Variants in PNKD observed in about 807,000 individuals in gnomAD.
PNKD encodes PNKD metallo-beta-lactamase domain containing.
A neutral mutation model predicts 45.3 loss-of-function variants in PNKD; 36 were observed. The ratio of observed to expected loss-of-function variants is 0.80; its 90% CI spans 0.61 to 1.05. PNKD has a LOEUF of 1.05. Ranked by LOEUF, PNKD falls within the 50% of genes least tolerant of loss-of-function variation. The pLI is 0.00. For synonymous variants in PNKD, 197 were observed against 210.1 expected, an observed-to-expected ratio of 0.94 and a Z score of 0.54; for missense variants, 511 against 506.6, an observed-to-expected ratio of 1.01 and a Z score of -0.08.
chr2:218,344,634 C>G, intron 9 of PNKD, 64 bp downstream of exon 9: 6 of 1,454,282 alleles, frequency 4.1e-6, no homozygotes, highest in Non-Finnish European at 4.8e-6. Context: ...GGGAACCCAT[C>G]CATGCTGACC....
chr2:218,337,107 C>A (rs935027564), intron 2 of PNKD, among the ~76,000 whole-genome samples: 1 of 149,776 alleles, frequency 6.7e-6, no homozygotes, highest in East Asian at 2.0e-4. Context: ...GCCTTCAATT[C>A]TTTTCTTTTT....
chr2:218,272,993 TG>T, intron 2 of PNKD: 1 of 1,315,046 alleles, frequency 7.6e-7, no homozygotes, highest in Non-Finnish European at 1.0e-6. Context: ...GGGCAGAGGG[TG>T]GGGCTGGTTA....
intron 2 of PNKD, among the ~76,000 whole-genome samples, chr2:218,304,911 T>C (rs2106254713): frequency 6.6e-6 from 1 of 151,742 alleles, no homozygotes; most frequent in South Asian, 2.1e-4. Flanking sequence ...CCCATCTTGG[T>C]GAAACACAAA....
chr2:218,330,007 A>T (rs1694272187), intron 2 of PNKD, among the ~76,000 whole-genome samples: 1 of 74,324 alleles, frequency 1.3e-5, no homozygotes. Context: ...GAAGGGAGAA[A>T]CCAGAACAGT....
rs747779366 is a variant in PNKD, at chr2:218,280,211, C to T, written c.236+8662C>T. On this transcript the variant is annotated intron_variant, in intron 2 of 9. Transcript: ENST00000273077. ...AGCCTCCCTGACAATCTCAAAGTCT[C>T]AGGGATCTCCAGCCAAAAGACAAGT... 2.5e-4 allele frequency: 240 copies of T among 967,772 alleles called. 2 individuals carry two copies. The highest frequency in any genetic ancestry group is 9.9e-4 in the South Asian group (74 of 75,124). The allele number at this position is 967,772 out of a possible 1,614,324, so 59.9% of individuals were successfully genotyped here.
intron 2 of PNKD, among the ~76,000 whole-genome samples, chr2:218,300,546 C>A (rs1574676075): frequency 3.1e-5 from 1 of 32,730 alleles, no homozygotes; most frequent in East Asian, 1.1e-3. Context: ...CTTTTCTTTT[C>A]TTTTCTTTTT....
In PNKD at chr2:218,340,277, T is replaced by C; in HGVS notation, c.465+136T>C. ...TATGCTCCATGTTCACACGTGCACA[T>C]GCGCACACATAGCCTGGGGAAGGGG... On this transcript the variant is annotated intron_variant, in intron 4 of 9. Coordinates refer to ENST00000273077, the MANE Select transcript of PNKD (RefSeq NM_015488.5). This position sits in a 1 kb window ranked among gnomAD's most constrained non-coding sequence, Gnocchi z 4.2. The C allele has an allele frequency of 1.5e-6, 1 of 668,594 alleles. No homozygotes were observed. Among genetic ancestry groups the C allele is most frequent in the Non-Finnish European group, 2.7e-6 (1 of 367,978 alleles). The allele number at this position is 668,594 out of a possible 1,614,324, so 41.4% of individuals were successfully genotyped here. A position where few individuals can be genotyped will look rare whatever the true frequency, so the allele number is the denominator to read the frequency against.
intron 2 of PNKD, chr2:218,275,893 G>A: frequency 1.8e-6 from 2 of 1,120,918 alleles, no homozygotes; most frequent in South Asian, 3.0e-5. Flanking sequence ...TGGAATCTCT[G>A]GACAGTAGTG....
rs373992679 is a variant in PNKD, at chr2:218,342,008, C to A, written c.645C>A (p.Ser215Arg). The change falls in exon 7 of 10, where the codon AGC becomes AGA. Residue 215 changes from serine to arginine, a missense_variant. Coordinates refer to ENST00000273077, the MANE Select transcript of PNKD (RefSeq NM_015488.5). ...CCCTGTGTCATCAAGATGTGGTCAG[C>A]GTGGGACGGCTTCAGATCCGGGCCC... ...THPLCHQDVV[S>R]VGRLQIRALA... The A allele has an allele frequency of 6.2e-7, 1 of 1,613,506 alleles. No individual in the cohort carries two copies. Among genetic ancestry groups the A allele is most frequent in the Admixed American group, 1.7e-5 (1 of 60,020 alleles).
chr2:218,289,879 G>C (rs1032682913), intron 2 of PNKD: 5 of 152,236 alleles, frequency 3.3e-5, no homozygotes, highest in Admixed American at 3.3e-4. Flanking sequence ...CCTACGGCCA[G>C]CTCTTCCTGG....
intron 2 of PNKD, among the ~76,000 whole-genome samples, chr2:218,325,614 G>A (rs1451272696): frequency 6.6e-6 from 1 of 152,146 alleles, no homozygotes; most frequent in Admixed American, 6.5e-5. Flanking sequence ...TTCAAAATTA[G>A]TAAGTTTGAG....
At chr2:218,337,729 C>A (rs936894393) in intron 2 of PNKD, among the ~76,000 whole-genome samples, 1 of 152,178 alleles carries the variant, frequency 6.6e-6, no homozygotes, top group Admixed American at 6.6e-5. Context: ...ATGGGCATTG[C>A]AGACTCTGTA....
chr2:218,342,914 A>C (rs756769146), intron 7 of PNKD, among the ~76,000 whole-genome samples: 5 of 152,162 alleles, frequency 3.3e-5, no homozygotes, highest in Non-Finnish European at 7.3e-5. Context: ...GGTTGCAGTG[A>C]GCTATGATTG....
intron 2 of PNKD, 137 bp from the exon 3 acceptor site, chr2:218,339,646 A>G: frequency 2.8e-6 from 2 of 705,268 alleles, no homozygotes; most frequent in Admixed American, 2.0e-5. Flanking sequence ...CAGTAGGCAC[A>G]TAATAAGTGA....
Position 218,344,923 on chromosome 2 carries a change from C to T in PNKD, c.1100C>T (p.Ser367Phe). The change falls in exon 10 of 10, where the codon TCC becomes TTC. Residue 367 changes from serine to phenylalanine, a missense_variant. By Grantham distance (155) the Ser-to-Phe change is radical (BLOSUM62 -2). Coordinates refer to ENST00000273077, the MANE Select transcript of PNKD (RefSeq NM_015488.5). ...GPGPTGDDDY[S>F]RAQLLEELRR... Reference sequence around the variant, plus strand: ...GGCCCCACTGGGGATGATGACTACTCCCGGGCCCAGCTCCTGGAAGAGCTC... The same window carrying T: ...GGCCCCACTGGGGATGATGACTACTTCCGGGCCCAGCTCCTGGAAGAGCTC... The T allele has an allele frequency of 1.9e-6, 3 of 1,614,026 alleles. No individual in the cohort carries two copies. The highest frequency in any genetic ancestry group is 2.5e-6 in the Non-Finnish European group (3 of 1,179,962).
chr2:218,309,416 C>CAAAAAA (rs10553302), intron 2 of PNKD, among the ~76,000 whole-genome samples: 3 of 54,466 alleles, frequency 5.5e-5, no homozygotes, highest in African/African-American at 2.3e-4. Context: ...GACTCCGCCT[C>CAAAAAA]AAAAAAAAAA....
intron 2 of PNKD, chr2:218,323,564 G>A: frequency 2.6e-6 from 2 of 757,660 alleles, no homozygotes; most frequent in Non-Finnish European, 3.8e-6. Flanking sequence ...AAGAGGGATC[G>A]AGGAGACGGA....
At chr2:218,321,946 T>G (rs1693998315) in intron 2 of PNKD, among the ~76,000 whole-genome samples, 1 of 149,254 alleles carries the variant, frequency 6.7e-6, no homozygotes, top group African/African-American at 2.5e-5. Context: ...TTTTTTTTTT[T>G]TTTTTTGAGC....
In PNKD at chr2:218,271,378, C is replaced by T; in HGVS notation, c.68-3C>T. On this transcript the variant is annotated splice_polypyrimidine_tract_variant and splice_region_variant and intron_variant, in intron 1 of 9. Coordinates refer to ENST00000273077, the MANE Select transcript of PNKD (RefSeq NM_015488.5). ...TACTGACCTTCCTTACCTCCATCCA[C>T]AGGGATTCTCGCAGGAGCCACAGCT... The T allele has an allele frequency of 1.2e-6, 2 of 1,613,800 alleles. No homozygotes were observed. The highest frequency in any genetic ancestry group is 1.1e-5 in the South Asian group (1 of 91,070).
Sources: gnomAD v4.1 joint callset for allele counts (sites outside exome capture counted in the v4.1 genomes callset) on GRCh38, gnomAD v4.1.1 for gene constraint, Gnocchi (gnomAD v3.1) non-coding constraint, MANE v1.5 for transcripts, NCBI Gene and HGNC (gene_info 2026-07-23, HGNC 2026-07-21) for gene names.